Variants in WASF3 observed in about 807,000 individuals in gnomAD.
WASF3 encodes WASP family member 3, also known as actin-binding protein WASF3.
WASF3 carries 11 observed loss-of-function variants against 46.6 expected under a neutral mutation model. The ratio of observed to expected loss-of-function variants is 0.24; its 90% CI spans 0.15 to 0.39. The LOEUF (loss-of-function observed/expected upper bound fraction) is 0.39. WASF3 is among the 10% of genes least tolerant of loss of function. The probability of loss-of-function intolerance (pLI) is 1.00; values close to 1 mark genes in which losing one functional copy is unlikely to be tolerated. For synonymous variants in WASF3, 242 were observed against 259.7 expected, an observed-to-expected ratio of 0.93 and a Z score of 0.65; for missense variants, 576 against 669.8, an observed-to-expected ratio of 0.86 and a Z score of 1.55.
intron 1 of WASF3, among the ~76,000 whole-genome samples, chr13:26,605,180 A>G (rs1880756205): frequency 1.3e-5 from 2 of 152,216 alleles, no homozygotes; most frequent in South Asian, 4.1e-4. Context: ...CCTTGGTACC[A>G]GTCCACATTT....
chr13:26,652,704 A>G (rs1287626018), intron 3 of WASF3, among the ~76,000 whole-genome samples: 1 of 152,208 alleles, frequency 6.6e-6, no homozygotes, highest in Non-Finnish European at 1.5e-5. Flanking sequence ...AATATTGGAA[A>G]ATCAAACAGT....
rs909192284 is a variant in WASF3, at chr13:26,682,721, C to T, written c.1098C>T (p.Pro366=). The T allele has an allele frequency of 1.2e-6, 2 of 1,614,036 alleles. No homozygotes were observed. Among genetic ancestry groups the T allele is most frequent in the East Asian group, 2.2e-5 (1 of 44,874 alleles). The stretch of plus-strand genomic sequence containing the variant: ...CCTTCGTCAGCCCTCTCCAGATGCC[C>T]ATGCAGCCCCCGTTCCCTGCATCAG... ...QTAFVSPLQM[P]MQPPFPASAS... The change falls in exon 9 of 10, where the codon CCC becomes CCT. Residue 366 remains proline, a synonymous_variant. Coordinates refer to ENST00000335327, the MANE Select transcript of WASF3 (RefSeq NM_006646.6). This position sits in a 1 kb window ranked among gnomAD's most constrained non-coding sequence, Gnocchi z 4.4.
At chr13:26,629,071 C>T (rs952519748) in intron 2 of WASF3, among the ~76,000 whole-genome samples, 2 of 152,222 alleles carry the variant, frequency 1.3e-5, no homozygotes, top group Non-Finnish European at 2.9e-5. Context: ...TGGATCCTGT[C>T]GATGGGCCCA....
chr13:26,556,161 G>A (rs565061593), upstream of WASF3, among the ~76,000 whole-genome samples: 1 of 152,304 alleles, frequency 6.6e-6, no homozygotes, highest in South Asian at 2.1e-4. Context: ...ACTTTGGGAT[G>A]ATGTGTTTAA....
intron 1 of WASF3, among the ~76,000 whole-genome samples, chr13:26,579,294 C>T (rs1223557437): frequency 6.6e-6 from 1 of 151,924 alleles, no homozygotes; most frequent in African/African-American, 2.4e-5. Flanking sequence ...AGTAAATACC[C>T]AAGCCTAGAG....
intron 3 of WASF3, among the ~76,000 whole-genome samples, chr13:26,648,678 G>A (rs1882222715): frequency 6.6e-6 from 1 of 152,132 alleles, no homozygotes; most frequent in Admixed American, 6.5e-5. Flanking sequence ...GAAGTTGACT[G>A]GGAGGAACAC....
chr13:26,544,294 T>A, the WASF3 span, among the ~76,000 whole-genome samples: 2 of 152,242 alleles, frequency 1.3e-5, no homozygotes, highest in African/African-American at 4.8e-5. Context: ...CTCTTCATCC[T>A]TCTTGGCTTC....
Position 26,660,194 on chromosome 13 carries a change from GTTTTTTTTTTTTTTTT to G in WASF3, c.134-4814_134-4799del, listed in dbSNP as rs71080285. Among the ~76,000 whole-genome samples, 87 of 43,386 alleles carry G rather than the reference GTTTTTTTTTTTTTTTT, an allele frequency of 2.0e-3. 1 individual carries two copies. The highest frequency in any genetic ancestry group is 5.6e-3 in the African/African-American group (76 of 13,460). 28.5% of individuals were successfully genotyped at this position (43,386 alleles called of 152,430 possible). A position where few individuals can be genotyped will look rare whatever the true frequency, so the allele number is the denominator to read the frequency against. On this transcript the variant is annotated intron_variant, in intron 3 of 9. Coordinates refer to ENST00000335327, the MANE Select transcript of WASF3 (RefSeq NM_006646.6). ...GTAATTAGCTTTTGTTTTTTGTTTG[GTTTTTTTTTTTTTTTT>G]TTTTTTTTTTTTTTTTTTTAGCAAA... is the stretch of plus-strand genomic sequence containing the variant.
intron 1 of WASF3, among the ~76,000 whole-genome samples, chr13:26,562,829 G>A (rs532181622): frequency 2.3e-4 from 18 of 78,442 alleles, no homozygotes; most frequent in African/African-American, 9.9e-4. Context: ...ATCTGGTGTA[G>A]GCTGATTTCC....
At chr13:26,667,736 A>G in intron 5 of WASF3, 66 bp downstream of exon 5, 1 of 1,484,218 alleles carries the variant, frequency 6.7e-7, no homozygotes. Flanking sequence ...AGCTGGGAGC[A>G]AGCTGATGCA....
chr13:26,555,650 C>T (rs552775317), upstream of WASF3, among the ~76,000 whole-genome samples: 4 of 152,260 alleles, frequency 2.6e-5, 1 homozygote, highest in East Asian at 1.9e-4. Flanking sequence ...AAGCAGGCAT[C>T]CTGTGAGGAT....
chr13:26,684,587 A>G (rs574206419), intron 9 of WASF3, among the ~76,000 whole-genome samples: 1 of 152,196 alleles, frequency 6.6e-6, no homozygotes, highest in African/African-American at 2.4e-5. Flanking sequence ...TAGGATAGAT[A>G]GTAGTAGTGT....
chr13:26,611,567 AC>A (rs1450259249), intron 1 of WASF3, among the ~76,000 whole-genome samples: 1 of 152,172 alleles, frequency 6.6e-6, no homozygotes, highest in East Asian at 1.9e-4. Context: ...AGGGCTGGTT[AC>A]CCTCAAAATC....
intron 1 of WASF3, chr13:26,577,705 A>T: frequency 1.2e-6 from 1 of 824,484 alleles, no homozygotes; most frequent in Non-Finnish European, 2.0e-6. Context: ...AATGGCAAGT[A>T]AAAAGTCCTA....
rs71080285 is a variant in WASF3, at chr13:26,660,194, G to GTTTTTTT, written c.134-4805_134-4799dup. Among the ~76,000 whole-genome samples, 10 of 43,376 alleles carry GTTTTTTT rather than the reference G, an allele frequency of 2.3e-4. 1 individual carries two copies. Among genetic ancestry groups the GTTTTTTT allele is most frequent in the African/African-American group, 6.7e-4 (9 of 13,450 alleles). The allele number at this position is 43,376 out of a possible 152,430, so 28.5% of individuals were successfully genotyped here. A position where few individuals can be genotyped will look rare whatever the true frequency, so the allele number is the denominator to read the frequency against. On this transcript the variant is annotated intron_variant, in intron 3 of 9. Transcript: ENST00000335327. ...GTAATTAGCTTTTGTTTTTTGTTTG[G>GTTTTTTT]TTTTTTTTTTTTTTTTTTTTTTTTT...
intron 1 of WASF3, among the ~76,000 whole-genome samples, chr13:26,579,916 C>T (rs534085303): frequency 6.6e-6 from 1 of 152,308 alleles, no homozygotes; most frequent in African/African-American, 2.4e-5. Flanking sequence ...AACCTATGGC[C>T]CATGGGCTGC....
intron 4 of WASF3, 135 bp from the exon 5 acceptor site, chr13:26,667,382 G>A (rs758322562): frequency 2.6e-6 from 2 of 768,112 alleles, no homozygotes; most frequent in Non-Finnish European, 4.0e-6. Flanking sequence ...CTTAAACATG[G>A]TTTTTAAATG....
chr13:26,584,120 CTCTT>C (rs1325624174), intron 1 of WASF3, among the ~76,000 whole-genome samples: 1 of 152,222 alleles, frequency 6.6e-6, no homozygotes, highest in East Asian at 1.9e-4. Flanking sequence ...CTAACAAAGA[CTCTT>C]CCTTCCAGGT....
chr13:26,599,476 C>T (rs1344309189), intron 1 of WASF3, among the ~76,000 whole-genome samples: 1 of 152,142 alleles, frequency 6.6e-6, no homozygotes, highest in African/African-American at 2.4e-5. Flanking sequence ...TAGGGGCTCT[C>T]TCAGCTCTCC....
Sources: gnomAD v4.1 joint callset for allele counts (sites outside exome capture counted in the v4.1 genomes callset) on GRCh38, gnomAD v4.1.1 for gene constraint, Gnocchi (gnomAD v3.1) non-coding constraint, MANE v1.5 for transcripts, NCBI Gene and HGNC (gene_info 2026-07-23, HGNC 2026-07-21) for gene names.